Variants in LDLRAD4 observed in about 807,000 individuals in gnomAD.
The protein encoded by LDLRAD4 is low density lipoprotein receptor class A domain containing 4.
In LDLRAD4, 5 loss-of-function variants were observed where a neutral mutation model predicts 17.0. The observed-to-expected ratio is 0.29, with a 90% CI of 0.15 to 0.62. The LOEUF (loss-of-function observed/expected upper bound fraction) is 0.62, where lower values mean the gene tolerates loss of function less well. Among genes scored for constraint, LDLRAD4 ranks in the 20% least tolerant of loss-of-function variants. LDLRAD4 has a pLI of 0.84. For missense variants in LDLRAD4, 340 were observed against 424.7 expected (o/e 0.80, Z 1.75); for synonymous variants, 168 against 171.8 (o/e 0.98, Z 0.17).
rs56035558 is a variant in LDLRAD4, at chr18:13,594,665, C to CAAAAAAAAAAAAA, written c.182-26440_182-26428dup. On this transcript the variant is annotated intron_variant, in intron 3 of 5. Transcript: ENST00000359446. ...TGGGTGACAGAGCAAGATTCCATCT[C>CAAAAAAAAAAAAA]AAAAAAAAAAAAAAAAAAAAAAAAG... Among the ~76,000 whole-genome samples the CAAAAAAAAAAAAA allele has an allele frequency of 8.1e-3, 239 of 29,558 alleles. 19 individuals are homozygous for CAAAAAAAAAAAAA. The highest frequency in any genetic ancestry group is 0.01 in the Non-Finnish European group (131 of 12,670). The allele number at this position is 29,558 out of a possible 152,430, so 19.4% of individuals were successfully genotyped here.
intron 1 of LDLRAD4, among the ~76,000 whole-genome samples, chr18:13,306,171 A>G (rs2046901790): frequency 6.6e-6 from 1 of 152,246 alleles, no homozygotes; most frequent in South Asian, 2.1e-4. Flanking sequence ...AAGGACATTT[A>G]TTAGTAAGGA....
At chr18:13,618,852 G>A (rs1054127510) in intron 3 of LDLRAD4, among the ~76,000 whole-genome samples, 3 of 152,196 alleles carry the variant, frequency 2.0e-5, no homozygotes, top group Non-Finnish European at 2.9e-5. Flanking sequence ...CTTCGACTTC[G>A]GGGTTCAGCC....
chr18:13,638,133 C>T (rs1248730253), intron 4 of LDLRAD4, among the ~76,000 whole-genome samples: 6 of 151,392 alleles, frequency 4.0e-5, no homozygotes, highest in African/African-American at 1.5e-4. Flanking sequence ...AAGCTGAGCT[C>T]GGTGGCACAC....
intron 3 of LDLRAD4, among the ~76,000 whole-genome samples, chr18:13,444,191 A>C (rs1270349694): frequency 6.6e-5 from 10 of 152,158 alleles, no homozygotes; most frequent in Non-Finnish European, 1.5e-4. Flanking sequence ...GTTATGATGA[A>C]CTGATGAATT....
chr18:13,398,664 G>T lies in LDLRAD4; in HGVS notation c.40+10902G>T, dbSNP rs187798063. Among the ~76,000 whole-genome samples the T allele has an allele frequency of 4.6e-5, 7 of 152,222 alleles. No homozygotes were observed. In the East Asian group the frequency reaches 1.4e-3, roughly 30 times the overall value. On this transcript the variant is annotated intron_variant, in intron 2 of 5. Coordinates refer to ENST00000359446, the Ensembl canonical transcript of LDLRAD4. This position sits in a 1 kb window ranked among gnomAD's most constrained non-coding sequence, Gnocchi z 4.8. ...AACAACTTGATATGTAGTGATCAATGCTCTGTTGATGTGGGTTTGGCGCTC... is the reference window on the plus strand; with the variant it reads ...AACAACTTGATATGTAGTGATCAATTCTCTGTTGATGTGGGTTTGGCGCTC...
At chr18:13,267,551 T>C (rs1372034901) in intron 1 of LDLRAD4, among the ~76,000 whole-genome samples, 1 of 152,242 alleles carries the variant, frequency 6.6e-6, no homozygotes, top group Admixed American at 6.5e-5. Flanking sequence ...GTTTGGTGTT[T>C]GCATGTATGA....
intron 1 of LDLRAD4, among the ~76,000 whole-genome samples, chr18:13,229,519 G>C (rs1273007724): frequency 6.6e-6 from 1 of 152,164 alleles, no homozygotes; most frequent in Admixed American, 6.5e-5. Flanking sequence ...CAGAGACCCA[G>C]TTCCCGCCTT....
At chr18:13,498,789 C>G (rs1250044768) in intron 3 of LDLRAD4, among the ~76,000 whole-genome samples, 1 of 147,352 alleles carries the variant, frequency 6.8e-6, no homozygotes, top group East Asian at 2.1e-4. Flanking sequence ...GAATCCTTCT[C>G]CCCACACACG....
At chr18:13,376,715 G>A (rs1355239420) in intron 1 of LDLRAD4, among the ~76,000 whole-genome samples, 3 of 152,330 alleles carry the variant, frequency 2.0e-5, no homozygotes, top group African/African-American at 4.8e-5. Context: ...GGCCAGTTCT[G>A]TCTTCCAGGA....
At chr18:13,480,373 G>A (rs1568225313) in intron 3 of LDLRAD4, among the ~76,000 whole-genome samples, 1 of 152,200 alleles carries the variant, frequency 6.6e-6, no homozygotes, top group East Asian at 1.9e-4. Flanking sequence ...AGGCAAAACT[G>A]TAGAGATAGT....
At chr18:13,489,710 A>G (rs956340211) in intron 3 of LDLRAD4, 1 of 152,138 alleles carries the variant, frequency 6.6e-6, no homozygotes, top group African/African-American at 2.4e-5. Flanking sequence ...GACCACCTGT[A>G]TTATTCCTGT....
At chr18:13,265,584 T>C (rs951926558) in intron 1 of LDLRAD4, among the ~76,000 whole-genome samples, 2 of 152,232 alleles carry the variant, frequency 1.3e-5, no homozygotes, top group African/African-American at 4.8e-5. Context: ...CTCTTCATTT[T>C]TCTTGAGAAA....
At chr18:13,407,924 G>A (rs56164932) in intron 2 of LDLRAD4, among the ~76,000 whole-genome samples, 67,225 of 151,722 alleles carry the variant, frequency 0.44, 16,798 homozygotes, top group Non-Finnish European at 0.56. Flanking sequence ...TTTGACAAAC[G>A]GCACCCCCCT....
chr18:13,239,915 C>T (rs1336955987), intron 1 of LDLRAD4: 1 of 152,346 alleles, frequency 6.6e-6, no homozygotes, highest in African/African-American at 2.4e-5. Flanking sequence ...CAGTTCCTGA[C>T]TGCTGTTTGT....
intron 1 of LDLRAD4, among the ~76,000 whole-genome samples, chr18:13,308,744 A>G (rs926493742): frequency 1.3e-4 from 20 of 152,274 alleles, no homozygotes; most frequent in Admixed American, 1.3e-3. Flanking sequence ...TGCTTTATGT[A>G]TTAGGGAAGC....
At chr18:13,239,971 G>C (rs1021221093) in intron 1 of LDLRAD4, 2 of 152,312 alleles carry the variant, frequency 1.3e-5, no homozygotes. Context: ...CAGCATGCTG[G>C]CCCGTGCAAC....
At chr18:13,428,849 A>G (rs1410664127) in intron 2 of LDLRAD4, among the ~76,000 whole-genome samples, 1 of 152,116 alleles carries the variant, frequency 6.6e-6, no homozygotes, top group Non-Finnish European at 1.5e-5. Flanking sequence ...AAAATGAGGT[A>G]TTTGGCCTTG....
chr18:13,424,311 G>A (rs1286201272), intron 2 of LDLRAD4, among the ~76,000 whole-genome samples: 1 of 152,182 alleles, frequency 6.6e-6, no homozygotes, highest in Non-Finnish European at 1.5e-5. Context: ...GGAGCAAAGT[G>A]TGTGCTGATT....
chr18:13,561,710 G>C lies in LDLRAD4; in HGVS notation c.182-59407G>C, dbSNP rs547976750. 10 of 152,338 alleles carry C rather than the reference G, an allele frequency of 6.6e-5. No individual in the cohort carries two copies. In the East Asian group the frequency reaches 1.9e-3, roughly 29 times the overall value. 9.4% of individuals were successfully genotyped at this position (152,338 alleles called of 1,614,324 possible). On this transcript the variant is annotated intron_variant, in intron 3 of 5. Transcript: ENST00000359446. ...GCGTGTCTTGACTCAGTGTAGGATT[G>C]ATACCAACATCTCTTGGATGTTGTG...
Sources: gnomAD v4.1 joint callset for allele counts (sites outside exome capture counted in the v4.1 genomes callset) on GRCh38, gnomAD v4.1.1 for gene constraint, Gnocchi (gnomAD v3.1) non-coding constraint, MANE v1.5 for transcripts, NCBI Gene and HGNC (gene_info 2026-07-23, HGNC 2026-07-21) for gene names.